Variants in SRPRB observed in about 807,000 individuals in gnomAD.
The protein encoded by SRPRB is SRP receptor subunit beta, also known as signal recognition particle receptor subunit beta.
Under a neutral mutation model 31.9 loss-of-function variants are expected in SRPRB, and 20 were observed. The ratio of observed to expected loss-of-function variants is 0.63; its 90% CI spans 0.44 to 0.91. The LOEUF is 0.91. SRPRB is among the 40% of genes least tolerant of loss of function. The pLI is 0.00. For missense variants in SRPRB, 321 were observed against 324.9 expected (o/e 0.99, Z 0.09); for synonymous variants, 146 against 132.8 (o/e 1.10, Z -0.68).
chr3:133,818,785 A>AGTGTGTGTGTGTGTGT (rs146467727), intron 6 of SRPRB, among the ~76,000 whole-genome samples: 82 of 144,208 alleles, frequency 5.7e-4, no homozygotes, highest in African/African-American at 1.5e-3. Flanking sequence ...ATACTTTTAC[A>AGTGTGTGTGTGTGTGT]GTGTGTGTGT....
At chr3:133,823,741 C>CCTAA (rs761509339), downstream of SRPRB, among the ~76,000 whole-genome samples, 6 of 152,028 alleles carry the variant, frequency 3.9e-5, no homozygotes, top group Admixed American at 6.6e-5. Context: ...CAGGGATGTT[C>CCTAA]CTAACTGGTG....
chr3:133,822,557 C>A (rs897800510), downstream of SRPRB, among the ~76,000 whole-genome samples: 1 of 152,162 alleles, frequency 6.6e-6, no homozygotes, highest in African/African-American at 2.4e-5. Context: ...GGTGGGGAGT[C>A]CCTGGGGTCT....
downstream of SRPRB, chr3:133,826,784 C>G (rs953264722): frequency 6.6e-6 from 1 of 152,652 alleles, no homozygotes; most frequent in Non-Finnish European, 1.5e-5. Flanking sequence ...TTAAGTATTT[C>G]TTATTTCAAC....
chr3:133,812,378 T>C (rs767766608), intron 4 of SRPRB, among the ~76,000 whole-genome samples: 2 of 152,268 alleles, frequency 1.3e-5, no homozygotes, highest in Non-Finnish European at 2.9e-5. Flanking sequence ...AATTTTGCCA[T>C]AATTGGGTTT....
intron 1 of SRPRB, chr3:133,789,880 T>A (rs984536739): frequency 0.017 from 149 of 8,784 alleles, no homozygotes; most frequent in East Asian, 0.048. Flanking sequence ...CTCGTTTGCG[T>A]TTTTTTTTTT....
intron 3 of SRPRB, chr3:133,810,643 G>A (rs968651943): frequency 6.6e-6 from 1 of 151,774 alleles, no homozygotes; most frequent in African/African-American, 2.4e-5. Context: ...AAAGATTGGA[G>A]ATCCCAGTAA....
upstream of SRPRB, among the ~76,000 whole-genome samples, chr3:133,805,231 G>C (rs879276113): frequency 3.3e-5 from 5 of 152,116 alleles, no homozygotes; most frequent in Non-Finnish European, 7.4e-5. Flanking sequence ...ACAGTGTAGG[G>C]GCACTGAATT....
chr3:133,806,277 C>G (rs933399360), intron 1 of SRPRB, among the ~76,000 whole-genome samples: 2 of 152,334 alleles, frequency 1.3e-5, no homozygotes, highest in African/African-American at 4.8e-5. Flanking sequence ...GCGCGCTGTT[C>G]CTCGCCTTCC....
upstream of SRPRB, among the ~76,000 whole-genome samples, chr3:133,803,015 A>G (rs1191726658): frequency 1.3e-5 from 2 of 152,086 alleles, no homozygotes; most frequent in South Asian, 2.1e-4. Context: ...TTAATTCACA[A>G]TATCCAACTA....
intron 4 of SRPRB, among the ~76,000 whole-genome samples, chr3:133,812,599 C>A (rs1039116177): frequency 1.3e-5 from 2 of 152,154 alleles, no homozygotes; most frequent in African/African-American, 4.8e-5. Flanking sequence ...TTTAATCCTA[C>A]TTTCTGGCTT....
At chr3:133,810,705 T>G (rs1487000674) in intron 3 of SRPRB, 1 of 154,094 alleles carries the variant, frequency 6.5e-6, no homozygotes, top group Non-Finnish European at 1.4e-5. Context: ...ATTATTAGTT[T>G]ATGAGTACTT....
At chr3:133,823,978 C>T (rs1438676461), downstream of SRPRB, among the ~76,000 whole-genome samples, 10 of 152,162 alleles carry the variant, frequency 6.6e-5, no homozygotes, top group African/African-American at 2.4e-4. Context: ...GCTCCCTTCC[C>T]ATCAGCCTTT....
downstream of SRPRB, chr3:133,824,926 G>A (rs773429833): frequency 1.3e-5 from 2 of 152,106 alleles, no homozygotes; most frequent in Non-Finnish European, 2.9e-5. Flanking sequence ...AACTTGCTGG[G>A]TGATCTTAAT....
downstream of SRPRB, chr3:133,827,808 A>G (rs751036251): frequency 2.9e-6 from 1 of 347,372 alleles, no homozygotes; most frequent in South Asian, 1.9e-5. Flanking sequence ...AGCTTCCCTG[A>G]CATCCAGGAG....
rs746935235 is a variant in SRPRB at position 133,819,748 on chromosome 3, G to T, written c.798G>T (p.Trp266Cys). 6.2e-7 allele frequency: 1 copy of T among 1,614,110 alleles called. No homozygotes were observed. Among genetic ancestry groups the T allele is most frequent in the Non-Finnish European group, 8.5e-7 (1 of 1,180,016 alleles). The change falls in exon 7 of 7, where the codon TGG (tryptophan) becomes TGT (cysteine). Residue 266 changes from tryptophan (W) to cysteine (C), a missense_variant. Coordinates refer to ENST00000678299, the MANE Select transcript of SRPRB (RefSeq NM_001379313.1). Reference sequence around the variant, plus strand: ...CTGACATCCAGGACTTGGAGAAATGGCTGGCTAAAATTGCCTGAGAGGCAG... The same window carrying T: ...CTGACATCCAGGACTTGGAGAAATGTCTGGCTAAAATTGCCTGAGAGGCAG... ...GSADIQDLEKWLAKIA is the reference protein window; with the variant it reads ...GSADIQDLEKCLAKIA
At chr3:133,806,893 C>CTT (rs76635982) in intron 2 of SRPRB, among the ~76,000 whole-genome samples, 190 bp downstream of exon 2, 1 of 148,762 alleles carries the variant, frequency 6.7e-6, no homozygotes, top group Admixed American at 6.7e-5. Flanking sequence ...GTCATTTCTC[C>CTT]TTTTTTTTTT....
chr3:133,812,096 C>G (rs925752764), intron 4 of SRPRB, among the ~76,000 whole-genome samples: 1 of 152,180 alleles, frequency 6.6e-6, no homozygotes, highest in Admixed American at 6.5e-5. Context: ...TTTGAAGACA[C>G]ATTTTAATAT....
At chr3:133,784,604 T>G (rs2107943168) in intron 1 of SRPRB, 1 of 152,080 alleles carries the variant, frequency 6.6e-6, no homozygotes, top group East Asian at 1.9e-4. Context: ...GTTTATTAAG[T>G]GAGTTAGAGC....
At chr3:133,792,393 T>A (rs138074257) in intron 1 of SRPRB, 1 of 152,188 alleles carries the variant, frequency 6.6e-6, no homozygotes, top group Non-Finnish European at 1.5e-5. Context: ...TTAACGGTGA[T>A]TAGACCTCCT....
Sources: allele counts gnomAD v4.1 joint callset (sites outside exome capture counted in the v4.1 genomes callset), GRCh38; gene constraint gnomAD v4.1.1; transcripts MANE v1.5; gene names NCBI Gene and HGNC (gene_info 2026-07-23, HGNC 2026-07-21).